The following GPC6 variants were observed in gnomAD, a reference collection of about 807,000 sequenced individuals.
The protein encoded by GPC6 is glypican-6.
A neutral mutation model predicts 55.2 loss-of-function variants in GPC6; 14 were observed. The observed-to-expected ratio is 0.25, with a 90% CI of 0.17 to 0.40. GPC6 has a LOEUF of 0.40. Among genes scored for constraint, GPC6 ranks in the 10% least tolerant of loss-of-function variants. The probability of loss-of-function intolerance (pLI) is 1.00; values close to 1 mark genes in which losing one functional copy is unlikely to be tolerated. For missense variants in GPC6, 641 were observed against 708.5 expected (o/e 0.90, Z 1.08); for synonymous variants, 278 against 259.6 (o/e 1.07, Z -0.68).
intron 4 of GPC6, among the ~76,000 whole-genome samples, chr13:94,273,201 G>A (rs1458779240): frequency 6.6e-6 from 1 of 152,178 alleles, no homozygotes; most frequent in Non-Finnish European, 1.5e-5. Flanking sequence ...TAAGTAAGTT[G>A]CCCTAGGTCA....
chr13:94,235,542 T>C (rs890109798), intron 4 of GPC6, among the ~76,000 whole-genome samples: 5 of 152,148 alleles, frequency 3.3e-5, no homozygotes, highest in African/African-American at 1.2e-4. Flanking sequence ...CACTAATTTC[T>C]ATTTGCAAGA....
chr13:94,396,692 C>T (rs992336659), intron 7 of GPC6, among the ~76,000 whole-genome samples: 8 of 152,180 alleles, frequency 5.3e-5, no homozygotes, highest in African/African-American at 1.9e-4. Context: ...GACAGGAAGG[C>T]ATGGGATGGC....
At chr13:93,224,127 T>C (rs899779890), upstream of GPC6, among the ~76,000 whole-genome samples, 1 of 151,600 alleles carries the variant, frequency 6.6e-6, no homozygotes, top group African/African-American at 2.4e-5. Context: ...CTCGATCTCC[T>C]GACCTCGTGA....
At chr13:93,774,794 A>G (rs532373254) in intron 2 of GPC6, among the ~76,000 whole-genome samples, 1 of 152,186 alleles carries the variant, frequency 6.6e-6, no homozygotes, top group Non-Finnish European at 1.5e-5. Flanking sequence ...AGGGGCCTGT[A>G]CTTGATTGGG....
intron 1 of GPC6, among the ~76,000 whole-genome samples, chr13:93,376,518 G>T (rs80049215): frequency 6.6e-6 from 1 of 152,098 alleles, no homozygotes; most frequent in Non-Finnish European, 1.5e-5. Flanking sequence ...CTCCTGTGAA[G>T]CCCTCTGTTT....
intron 4 of GPC6, among the ~76,000 whole-genome samples, chr13:94,108,374 T>C (rs1218872543): frequency 6.6e-6 from 1 of 152,074 alleles, no homozygotes; most frequent in East Asian, 1.9e-4. Context: ...CTTTGGGGAC[T>C]CAGGGAAAAA....
In GPC6 at chr13:93,269,692, A is replaced by G. The variant is rs142349884; in HGVS notation, c.160+42076A>G. ...TGTAATCCCAGCACTTTGGGAGGCCAAGGTGGGCGGATCACGAGGTCAGGA... is the reference window on the plus strand; with the variant it reads ...TGTAATCCCAGCACTTTGGGAGGCCGAGGTGGGCGGATCACGAGGTCAGGA... On this transcript the variant is annotated intron_variant, in intron 1 of 8. Transcript: ENST00000377047. Among the ~76,000 whole-genome samples the G allele has an allele frequency of 5.0e-3, 753 of 151,262 alleles. 8 individuals carry two copies. The highest frequency in any genetic ancestry group is 0.017 in the African/African-American group (706 of 41,206).
At chr13:94,216,613 A>C (rs1272844459) in intron 4 of GPC6, among the ~76,000 whole-genome samples, 1 of 152,166 alleles carries the variant, frequency 6.6e-6, no homozygotes. Context: ...GAACACCAGC[A>C]TCTGGTCTTT....
In GPC6 at chr13:94,403,468, T is replaced by A. The variant is rs773273037; in HGVS notation, c.*251T>A. The A allele has an allele frequency of 1.8e-4, 94 of 511,388 alleles. No individual in the cohort carries two copies. Among genetic ancestry groups the A allele is most frequent in the South Asian group, 8.6e-5 (4 of 46,520 alleles). The allele number at this position is 511,388 out of a possible 1,614,324, so 31.7% of individuals were successfully genotyped here. On this transcript the variant is annotated 3_prime_UTR_variant, in exon 9 of 9. Transcript: ENST00000377047. The stretch of plus-strand genomic sequence containing the variant: ...TCTAGAGAGAATTCTTACTCAAATT[T>A]TTCGTACCAGGAGATTTTCTTACCT...
intron 2 of GPC6, among the ~76,000 whole-genome samples, chr13:93,576,460 CT>C (rs1416318199): frequency 5.3e-5 from 8 of 152,028 alleles, no homozygotes; most frequent in African/African-American, 1.9e-4. Context: ...CTGTATAATT[CT>C]TTTTGCCCTT....
intron 2 of GPC6, among the ~76,000 whole-genome samples, chr13:93,810,156 C>T (rs1886654178): frequency 6.6e-6 from 1 of 152,178 alleles, no homozygotes; most frequent in Non-Finnish European, 1.5e-5. Flanking sequence ...GCTCAGCTGA[C>T]ACTCACAGGA....
intron 1 of GPC6, among the ~76,000 whole-genome samples, chr13:93,348,074 T>C (rs1219144782): frequency 6.6e-6 from 1 of 152,192 alleles, no homozygotes; most frequent in East Asian, 1.9e-4. Context: ...TCTGGCATAA[T>C]GTTTTTTAAT....
intron 1 of GPC6, among the ~76,000 whole-genome samples, chr13:93,364,402 A>G (rs1881163537): frequency 6.6e-6 from 1 of 152,092 alleles, no homozygotes; most frequent in African/African-American, 2.4e-5. Context: ...GTGAGTCAAC[A>G]GTTTTTAAAA....
intron 1 of GPC6, among the ~76,000 whole-genome samples, chr13:93,449,156 C>T (rs1457682427): frequency 1.3e-5 from 2 of 152,246 alleles, no homozygotes; most frequent in South Asian, 2.1e-4. Flanking sequence ...TGTAAGGATG[C>T]CCATGCATGC....
chr13:93,959,160 A>ATTT (rs531505656), intron 3 of GPC6, among the ~76,000 whole-genome samples: 44 of 136,814 alleles, frequency 3.2e-4, no homozygotes, highest in African/African-American at 1.0e-3. Context: ...TAGTTGTATG[A>ATTT]TTTTTTTTTT....
At chr13:93,917,710 A>G (rs907496916) in intron 3 of GPC6, among the ~76,000 whole-genome samples, 1 of 152,216 alleles carries the variant, frequency 6.6e-6, no homozygotes, top group Middle Eastern at 3.2e-3. Context: ...TGGCTTTGGA[A>G]TGAAAGGTGT....
intron 2 of GPC6, among the ~76,000 whole-genome samples, chr13:93,584,519 G>T (rs1040542510): frequency 6.6e-6 from 1 of 152,184 alleles, no homozygotes; most frequent in African/African-American, 2.4e-5. Flanking sequence ...ACACTTCTCA[G>T]TGGTAATTTC....
chr13:94,201,351 A>G (rs1431303627), intron 4 of GPC6, among the ~76,000 whole-genome samples: 1 of 152,146 alleles, frequency 6.6e-6, no homozygotes, highest in Non-Finnish European at 1.5e-5. Flanking sequence ...TGTGATGTCA[A>G]TAACGAAAAA....
chr13:93,273,000 G>A (rs1031133685), intron 1 of GPC6, among the ~76,000 whole-genome samples: 2 of 152,184 alleles, frequency 1.3e-5, no homozygotes, highest in African/African-American at 4.8e-5. Flanking sequence ...AAAATAGGCA[G>A]TGTTTAAGGA....
Sources: gnomAD v4.1 joint callset for allele counts (sites outside exome capture counted in the v4.1 genomes callset) on GRCh38, gnomAD v4.1.1 for gene constraint, MANE v1.5 for transcripts, NCBI Gene and HGNC (gene_info 2026-07-23, HGNC 2026-07-21) for gene names.